Variants in SORCS1 observed in about 807,000 individuals in gnomAD.
SORCS1 encodes the protein VPS10 domain-containing receptor SorCS1.
In SORCS1, 60 loss-of-function variants were observed where a neutral mutation model predicts 146.1. The observed-to-expected ratio is 0.41, with a 90% CI of 0.33 to 0.51. SORCS1 has a LOEUF of 0.51. Among genes scored for constraint, SORCS1 ranks in the 20% least tolerant of loss-of-function variants. The pLI is 0.21. For missense variants in SORCS1, 1,352 were observed against 1,487.6 expected, an observed-to-expected ratio of 0.91 and a Z score of 1.50; for synonymous variants, 637 against 584.0, an observed-to-expected ratio of 1.09 and a Z score of -1.31.
chr10:106,743,570 G>A (rs11817481), intron 5 of SORCS1, among the ~76,000 whole-genome samples: 31,413 of 151,940 alleles, frequency 0.21, 3,924 homozygotes, highest in East Asian at 0.48. Context: ...AACTACAGGT[G>A]CATACCACCG....
chr10:107,180,925 G>A, the SORCS1 span, among the ~76,000 whole-genome samples: 5 of 152,310 alleles, frequency 3.3e-5, no homozygotes, highest in Admixed American at 1.3e-4. Flanking sequence ...TATACAGCAT[G>A]CTACTGTACT....
At chr10:107,092,503 T>G (rs1373866767) in intron 1 of SORCS1, among the ~76,000 whole-genome samples, 1 of 152,214 alleles carries the variant, frequency 6.6e-6, no homozygotes, top group African/African-American at 2.4e-5. Context: ...CTACTCTCAA[T>G]GGTATCGTTC....
At chr10:106,757,973 T>G (rs1451429498) in intron 5 of SORCS1, among the ~76,000 whole-genome samples, 1 of 152,172 alleles carries the variant, frequency 6.6e-6, no homozygotes, top group African/African-American at 2.4e-5. Context: ...GAGGATTAAA[T>G]AGCTTAAGTT....
chr10:106,594,190 G>C (rs746066846), intron 24 of SORCS1, among the ~76,000 whole-genome samples: 1 of 152,132 alleles, frequency 6.6e-6, no homozygotes, highest in African/African-American at 2.4e-5. Context: ...ATTTCAGCTT[G>C]GTCCCAGCTC....
At chr10:106,686,688 T>C (rs1852873419) in intron 10 of SORCS1, among the ~76,000 whole-genome samples, 1 of 152,168 alleles carries the variant, frequency 6.6e-6, no homozygotes, top group Non-Finnish European at 1.5e-5. Context: ...TTGCCAGTAA[T>C]AAGGATAGAA....
At chr10:106,644,292 A>C (rs1181112684) in intron 18 of SORCS1, among the ~76,000 whole-genome samples, 1 of 152,090 alleles carries the variant, frequency 6.6e-6, no homozygotes. Flanking sequence ...CTGCCAGTAC[A>C]CTCAAAGTTC....
rs113784772 is a variant in SORCS1, at chr10:107,092,278, G to A, written c.558+71691C>T. On this transcript the variant is annotated intron_variant, in intron 1 of 25. Transcript: ENST00000263054. ...TGTGTGATTCTAAGATGCCAAGAAC[G>A]CTTCAGGAGCTGATGTTGCCCAAGA... Among the ~76,000 whole-genome samples the A allele has an allele frequency of 4.5e-3, 679 of 152,308 alleles. 7 individuals are homozygous for A. Among genetic ancestry groups the A allele is most frequent in the African/African-American group, 0.015 (641 of 41,574 alleles).
chr10:106,854,674 C>G (rs1311363709), intron 2 of SORCS1, among the ~76,000 whole-genome samples: 1 of 151,778 alleles, frequency 6.6e-6, no homozygotes, highest in Non-Finnish European at 1.5e-5. Context: ...ACATATTTAC[C>G]ACTAATGAAG....
chr10:106,646,675 C>T (rs12221205), intron 18 of SORCS1, among the ~76,000 whole-genome samples: 10,686 of 151,708 alleles, frequency 0.07, 452 homozygotes, highest in East Asian at 0.21. Context: ...CCAGCCTGGG[C>T]GACAGAGTGA....
intron 3 of SORCS1, among the ~76,000 whole-genome samples, chr10:106,826,491 A>G (rs1178976343): frequency 6.6e-6 from 1 of 152,260 alleles, no homozygotes; most frequent in Non-Finnish European, 1.5e-5. Context: ...TTGTTTTAAC[A>G]TAAATTCTCA....
At chr10:106,782,168 T>C (rs1205806084) in intron 3 of SORCS1, among the ~76,000 whole-genome samples, 2 of 152,236 alleles carry the variant, frequency 1.3e-5, no homozygotes. Flanking sequence ...TGGGAAACTA[T>C]GGCATTGTAT....
chr10:106,987,348 T>A (rs1956526728), intron 1 of SORCS1, among the ~76,000 whole-genome samples: 1 of 152,228 alleles, frequency 6.6e-6, no homozygotes, highest in Non-Finnish European at 1.5e-5. Context: ...GAAACTGAAA[T>A]CCTCTCTCAG....
intron 18 of SORCS1, among the ~76,000 whole-genome samples, chr10:106,634,175 AG>A (rs1157666718): frequency 2.0e-5 from 3 of 152,248 alleles, no homozygotes; most frequent in Non-Finnish European, 4.4e-5. Flanking sequence ...AGCCAAGATT[AG>A]CAAACTTCGC....
chr10:106,803,837 A>C (rs374744719), intron 3 of SORCS1, among the ~76,000 whole-genome samples: 64 of 152,290 alleles, frequency 4.2e-4, no homozygotes, highest in African/African-American at 1.3e-3. Flanking sequence ...GCAGCAGAGA[A>C]TTTCTGGGAA....
intron 6 of SORCS1, among the ~76,000 whole-genome samples, chr10:106,729,214 A>G (rs1856420777): frequency 6.6e-6 from 1 of 152,214 alleles, no homozygotes; most frequent in African/African-American, 2.4e-5. Flanking sequence ...TATTTACCAT[A>G]TTAGCTTAGC....
chr10:106,709,383 G>T (rs1269976791), intron 6 of SORCS1, 42 bp from the exon 7 acceptor site: 2 of 1,266,780 alleles, frequency 1.6e-6, no homozygotes, highest in Non-Finnish European at 2.3e-6. Flanking sequence ...GGTTGAGGGG[G>T]ATATACAGAC....
chr10:106,703,584 T>A lies in SORCS1; in HGVS notation c.1233+2961A>T, dbSNP rs140811595. Among the ~76,000 whole-genome samples, 31 of 152,316 alleles carry A rather than the reference T, an allele frequency of 2.0e-4. No individual in the cohort carries two copies. In the East Asian group the frequency reaches 6.0e-3, roughly 29 times the overall value. On this transcript the variant is annotated intron_variant, in intron 8 of 25. Coordinates refer to ENST00000263054, the MANE Select transcript of SORCS1 (RefSeq NM_052918.5). Reference sequence around the variant, plus strand: ...TGTCATTCTTTACTATTAGTAAATATTTTTTTGAGCACAGCTCAGGGTGAC... The same window carrying A: ...TGTCATTCTTTACTATTAGTAAATAATTTTTTGAGCACAGCTCAGGGTGAC...
intron 1 of SORCS1, among the ~76,000 whole-genome samples, chr10:107,014,284 A>AAAG (rs1254898709): frequency 1.4e-5 from 2 of 144,970 alleles, no homozygotes; most frequent in African/African-American, 5.1e-5. Flanking sequence ...AAAAGAAAAA[A>AAAG]AGAGAGAGAG....
intron 2 of SORCS1, among the ~76,000 whole-genome samples, chr10:106,908,209 T>C (rs909230622): frequency 2.0e-5 from 3 of 152,182 alleles, no homozygotes; most frequent in Admixed American, 1.3e-4. Flanking sequence ...TCATTTTTTT[T>C]CCCTAATGTT....
Sources: gnomAD v4.1 joint callset for allele counts (sites outside exome capture counted in the v4.1 genomes callset) on GRCh38, gnomAD v4.1.1 for gene constraint, MANE v1.5 for transcripts, NCBI Gene and HGNC (gene_info 2026-07-23, HGNC 2026-07-21) for gene names.